The following CEMIP variants were observed in gnomAD, a reference collection of about 807,000 sequenced individuals.
CEMIP encodes cell migration-inducing and hyaluronan-binding protein.
A neutral mutation model predicts 156.9 loss-of-function variants in CEMIP; 105 were observed. The ratio of observed to expected loss-of-function variants is 0.67; its 90% CI spans 0.57 to 0.79. CEMIP has a LOEUF of 0.79. Ranked by LOEUF, CEMIP falls within the 30% of genes least tolerant of loss-of-function variation. CEMIP has a pLI of 0.00. For missense variants in CEMIP, 1,457 were observed against 1,769.4 expected (o/e 0.82, Z 3.17); for synonymous variants, 676 against 668.4 (o/e 1.01, Z -0.17).
chr15:80,902,909 A>C (rs190989059), intron 12 of CEMIP, among the ~76,000 whole-genome samples: 14 of 152,304 alleles, frequency 9.2e-5, no homozygotes, highest in African/African-American at 3.4e-4. Flanking sequence ...CAGCCCATGG[A>C]TTAACTCATT....
intron 1 of CEMIP, among the ~76,000 whole-genome samples, chr15:80,841,186 C>T (rs1426224947): frequency 6.6e-6 from 1 of 152,190 alleles, no homozygotes; most frequent in Non-Finnish European, 1.5e-5. Flanking sequence ...AGCTGGAAAT[C>T]CAGATGTTTG....
intron 1 of CEMIP, among the ~76,000 whole-genome samples, chr15:80,813,377 T>G: frequency 1.4e-5 from 2 of 144,834 alleles, no homozygotes; most frequent in Admixed American, 7.1e-5. Context: ...TTTGACGGAG[T>G]CTCACTCTGT....
chr15:80,815,396 G>C (rs1299957679), intron 1 of CEMIP, among the ~76,000 whole-genome samples: 3 of 152,182 alleles, frequency 2.0e-5, no homozygotes, highest in African/African-American at 7.2e-5. Context: ...TGAATTCTTT[G>C]GTCATGAAAA....
At chr15:80,946,797 A>C (rs1901574689) in intron 28 of CEMIP, 168 bp from the exon 29 acceptor site, 2 of 662,310 alleles carry the variant, frequency 3.0e-6, no homozygotes, top group African/African-American at 1.8e-5. Flanking sequence ...ACATGGAAAG[A>C]GCCCGTCAGC....
intron 1 of CEMIP, among the ~76,000 whole-genome samples, chr15:80,853,758 T>C (rs1897770554): frequency 6.6e-6 from 1 of 152,226 alleles, no homozygotes; most frequent in Non-Finnish European, 1.5e-5. Context: ...CAATGGTGTA[T>C]ACATAAGAAG....
chr15:80,834,619 T>C lies in CEMIP; in HGVS notation c.-175-38919T>C, dbSNP rs568996775. ...TGTGGCTGTCTTTTATTCTGTTTCA[T>C]TGGTCCATTTATGTATCCTTGTAAC... On this transcript the variant is annotated intron_variant, in intron 1 of 29. Coordinates refer to ENST00000394685, the MANE Select transcript of CEMIP (RefSeq NM_001293298.2). 3.9e-5 allele frequency among the ~76,000 whole-genome samples: 6 copies of C among 152,368 alleles called. No individual in the cohort carries two copies. In the East Asian group the frequency reaches 1.2e-3, roughly 29 times the overall value.
At chr15:80,798,227 C>T (rs1567051099) in intron 1 of CEMIP, among the ~76,000 whole-genome samples, 1 of 152,082 alleles carries the variant, frequency 6.6e-6, no homozygotes, top group East Asian at 1.9e-4. Flanking sequence ...AGTGTTATTA[C>T]TGTATATTTT....
In CEMIP at chr15:80,879,321, A is replaced by C. The variant is rs996355938; in HGVS notation, c.242-395A>C. Among the ~76,000 whole-genome samples, 3 of 152,252 alleles carry C rather than the reference A, an allele frequency of 2.0e-5. No individual in the cohort carries two copies. The East Asian group carries it at 5.8e-4, about 29-fold the overall frequency. On this transcript the variant is annotated intron_variant, in intron 4 of 29. Transcript: ENST00000394685. Reference sequence around the variant, plus strand: ...ATTTGCACCTGTACCGAACATGTACAGATTTTTCCTTGTCATTATTTCCTT... The same window carrying C: ...ATTTGCACCTGTACCGAACATGTACCGATTTTTCCTTGTCATTATTTCCTT...
At chr15:80,945,313 T>A (rs1209241480) in intron 28 of CEMIP, among the ~76,000 whole-genome samples, 4 of 152,162 alleles carry the variant, frequency 2.6e-5, no homozygotes, top group Non-Finnish European at 5.9e-5. Flanking sequence ...AAGAAGCCCA[T>A]CTCTCTGTCC....
chr15:80,925,508 A>C (rs928135079), intron 18 of CEMIP, 116 bp from the exon 19 acceptor site: 28 of 1,412,172 alleles, frequency 2.0e-5, no homozygotes, highest in South Asian at 1.7e-4. Context: ...GTTTCTGTTC[A>C]GTCAATGCCT....
At chr15:80,921,927 G>C (rs961709671) in intron 16 of CEMIP, 82 bp from the exon 17 acceptor site, 1 of 1,590,924 alleles carries the variant, frequency 6.3e-7, no homozygotes, top group Non-Finnish European at 8.6e-7. Flanking sequence ...ACCCATCTCC[G>C]GCGTGGGCCG....
Position 80,909,271 on chromosome 15 carries a change from C to G in CEMIP, c.1762C>G (p.Arg588Gly). ...RDLSIHHTFS[R>G]CVTVHGSNGL... The stretch of plus-strand genomic sequence containing the variant: ...CCTCTCCATCCATCATACATTCTCT[C>G]GCTGCGTCACAGTCCATGGCTCCAA... Residue 588 changes from arginine (R) to glycine (G), a missense_variant, in exon 14 of 30, where the codon CGC becomes GGC. Physicochemically the swap from Arg to Gly is moderately radical, Grantham distance 125. This residue lies in a region of CEMIP where 53 missense variants were observed against 104.5 expected (regional missense o/e 0.51). Transcript: ENST00000394685. 1 of 1,614,072 alleles carries G rather than the reference C, an allele frequency of 6.2e-7. No individual in the cohort carries two copies. The highest frequency in any genetic ancestry group is 8.5e-7 in the Non-Finnish European group (1 of 1,180,022).
chr15:80,873,736 C>T, intron 2 of CEMIP, 40 bp downstream of exon 2: 1 of 690,744 alleles, frequency 1.4e-6, no homozygotes, highest in Non-Finnish European at 2.6e-6. Flanking sequence ...GCTGAGTGTG[C>T]CCATTCTGTC....
At chr15:80,878,902 T>A (rs1458724512) in intron 4 of CEMIP, 35 bp downstream of exon 4, 1 of 1,613,438 alleles carries the variant, frequency 6.2e-7, no homozygotes, top group East Asian at 2.2e-5. Context: ...CCCTCTTCCC[T>A]CCACTGCCCC....
intron 1 of CEMIP, among the ~76,000 whole-genome samples, chr15:80,864,125 CT>C (rs1443262632): frequency 3.9e-5 from 6 of 152,344 alleles, no homozygotes; most frequent in African/African-American, 1.4e-4. Flanking sequence ...TTATCCGCCC[CT>C]GAATTCTCTG....
At chr15:80,918,341 C>T (rs974245290) in intron 14 of CEMIP, among the ~76,000 whole-genome samples, 1 of 152,104 alleles carries the variant, frequency 6.6e-6, no homozygotes, top group Non-Finnish European at 1.5e-5. Flanking sequence ...GCCTCTCAAT[C>T]AGGGATGATT....
chr15:80,928,763 G>T, intron 19 of CEMIP, 139 bp from the exon 20 acceptor site: 1 of 1,078,122 alleles, frequency 9.3e-7, no homozygotes, highest in Non-Finnish European at 1.4e-6. Context: ...CCCTGAGCAC[G>T]ACTCTGCTTA....
At chr15:80,807,637 C>A (rs1471757884) in intron 1 of CEMIP, among the ~76,000 whole-genome samples, 3 of 152,170 alleles carry the variant, frequency 2.0e-5, no homozygotes, top group Non-Finnish European at 4.4e-5. Context: ...GTACTGTAGT[C>A]AGTGGGAGCC....
intron 1 of CEMIP, among the ~76,000 whole-genome samples, chr15:80,851,439 G>A (rs1033514819): frequency 6.6e-6 from 1 of 152,170 alleles, no homozygotes; most frequent in African/African-American, 2.4e-5. Flanking sequence ...GATAGAAAAG[G>A]GAAGAAAATA....
Sources: gnomAD v4.1 joint callset for allele counts (sites outside exome capture counted in the v4.1 genomes callset) on GRCh38, gnomAD v4.1.1 for gene constraint, gnomAD v4.1.1 regional missense constraint, MANE v1.5 for transcripts, NCBI Gene and HGNC (gene_info 2026-07-23, HGNC 2026-07-21) for gene names.